The following EHMT1 variants were observed in gnomAD, a reference collection of about 807,000 sequenced individuals.
EHMT1 encodes histone-lysine N-methyltransferase EHMT1.
In EHMT1, 15 loss-of-function variants were observed where a neutral mutation model predicts 147.2. The ratio of observed to expected loss-of-function variants is 0.10; its 90% CI spans 0.07 to 0.16. The LOEUF (loss-of-function observed/expected upper bound fraction) is 0.16. EHMT1 is among the 10% of genes least tolerant of loss of function. The probability of loss-of-function intolerance (pLI) is 1.00; values close to 1 mark genes in which losing one functional copy is unlikely to be tolerated. For missense variants in EHMT1, 1,587 were observed against 1,772.4 expected, an observed-to-expected ratio of 0.90 and a Z score of 1.88; for synonymous variants, 795 against 709.6, an observed-to-expected ratio of 1.12 and a Z score of -1.91.
chr9:137,644,756 C>G (rs1042674417), intron 1 of EHMT1, among the ~76,000 whole-genome samples: 1 of 152,150 alleles, frequency 6.6e-6, no homozygotes, highest in African/African-American at 2.4e-5. Context: ...GTCATTGTTT[C>G]CAAAGCACCT....
At chr9:137,719,923 G>A (rs1216398792) in intron 3 of EHMT1, among the ~76,000 whole-genome samples, 1 of 54,792 alleles carries the variant, frequency 1.8e-5, no homozygotes, top group East Asian at 4.9e-4. Context: ...TCGAGGTGCC[G>A]AACCCCCTCC....
chr9:137,739,287 C>T (rs1225778391), intron 4 of EHMT1, among the ~76,000 whole-genome samples: 1 of 149,930 alleles, frequency 6.7e-6, no homozygotes, highest in African/African-American at 2.5e-5. Context: ...ACCCAGGAGG[C>T]GGAGCTTGCA....
intron 6 of EHMT1, chr9:137,747,552 G>C (rs1241862363): frequency 7.9e-5 from 12 of 152,174 alleles, no homozygotes; most frequent in African/African-American, 2.7e-4. Flanking sequence ...TTCATTACTA[G>C]AAATAGATTA....
intron 1 of EHMT1, among the ~76,000 whole-genome samples, chr9:137,704,878 C>T (rs1407835554): frequency 7.1e-6 from 1 of 140,536 alleles, no homozygotes; most frequent in Non-Finnish European, 1.5e-5. Context: ...CTCTCTTTCC[C>T]TCCCTCCCTC....
intron 10 of EHMT1, among the ~76,000 whole-genome samples, chr9:137,766,407 G>C (rs1383082602): frequency 1.3e-5 from 2 of 152,204 alleles, no homozygotes; most frequent in African/African-American, 4.8e-5. Context: ...TTGAGCTCAG[G>C]AGTTTGAGAC....
chr9:137,808,180 G>A (rs144797533), intron 18 of EHMT1, among the ~76,000 whole-genome samples: 5 of 152,274 alleles, frequency 3.3e-5, no homozygotes, highest in East Asian at 1.9e-4. Context: ...GAAAGGCCCC[G>A]GCTTTGAGTG....
At chr9:137,784,991 CAG>C (rs1951842677) in intron 15 of EHMT1, 3 of 149,548 alleles carry the variant, frequency 2.0e-5, no homozygotes, top group Non-Finnish European at 4.4e-5. Flanking sequence ...GGGGTGAGGT[CAG>C]GGAGTGGGGG....
Position 137,731,402 on chromosome 9 carries a change from C to G in EHMT1, c.823+2873C>G, listed in dbSNP as rs1255909787. 6.6e-6 allele frequency among the ~76,000 whole-genome samples: 1 copy of G among 152,196 alleles called. No individual in the cohort carries two copies. The highest frequency in any genetic ancestry group is 6.5e-5 in the Admixed American group (1 of 15,284). ...ACGTGTTAACTAGAGAGGAGCATGG[C>G]ATGCCCAGCTGCCTTGTCTTGTGAT... On this transcript the variant is annotated intron_variant, in intron 4 of 26. Transcript: ENST00000460843. The surrounding 1 kb of genome is among the most constrained non-coding windows in gnomAD (Gnocchi z 4.3).
At chr9:137,777,407 A>G in intron 12 of EHMT1, 1 of 192,398 alleles carries the variant, frequency 5.2e-6, no homozygotes, top group Non-Finnish European at 1.1e-5. Flanking sequence ...GAATAAAATA[A>G]CAAAAGAGAC....
chr9:137,693,153 G>A (rs1306609563), intron 1 of EHMT1, among the ~76,000 whole-genome samples: 16 of 152,116 alleles, frequency 1.1e-4, no homozygotes, highest in East Asian at 3.9e-4. Context: ...GCTGAGGGCC[G>A]GAGCCACAGC....
At chr9:137,820,581 T>G (rs1422955047) in intron 25 of EHMT1, among the ~76,000 whole-genome samples, 1 of 152,248 alleles carries the variant, frequency 6.6e-6, no homozygotes, top group African/African-American at 2.4e-5. Flanking sequence ...AACTTGAATA[T>G]TTCCCAGAAA....
intron 10 of EHMT1, chr9:137,763,208 C>A: frequency 2.4e-6 from 1 of 408,312 alleles, no homozygotes; most frequent in South Asian, 2.7e-5. Context: ...GGGCAGGCCC[C>A]GCAAGGGCCG....
chr9:137,739,689 G>A (rs554530778), intron 4 of EHMT1, among the ~76,000 whole-genome samples: 4 of 152,398 alleles, frequency 2.6e-5, no homozygotes, highest in Non-Finnish European at 4.4e-5. Context: ...GCAGGTTGCT[G>A]CAGAAGTTGC....
chr9:137,687,109 G>C (rs541366124), intron 1 of EHMT1, among the ~76,000 whole-genome samples: 16 of 152,124 alleles, frequency 1.1e-4, no homozygotes, highest in Non-Finnish European at 2.1e-4. Context: ...TTCATGGTCT[G>C]TTCTTGTCAA....
chr9:137,640,400 C>T (rs1307082889), intron 1 of EHMT1, among the ~76,000 whole-genome samples: 2 of 152,166 alleles, frequency 1.3e-5, no homozygotes, highest in African/African-American at 2.4e-5. Flanking sequence ...CCTTGGCTTC[C>T]TGATCAGCTG....
At position 137,824,587 on chromosome 9, in the gene EHMT1, C is replaced by T. The variant is rs550170423; in HGVS notation, c.3540+6449C>T. 3.3e-5 allele frequency among the ~76,000 whole-genome samples: 5 copies of T among 152,280 alleles called. No homozygotes were observed. The South Asian group carries it at 1.0e-3, about 32-fold the overall frequency. On this transcript the variant is annotated intron_variant, in intron 25 of 26. Coordinates refer to ENST00000460843, the MANE Select transcript of EHMT1 (RefSeq NM_024757.5). ...CTGAGACTGCACTAAATCTGCTGGC[C>T]ATTATCGCATTGAGCCTTCTGACCC...
At chr9:137,829,643 AT>A (rs1956058904) in intron 25 of EHMT1, among the ~76,000 whole-genome samples, 1 of 152,270 alleles carries the variant, frequency 6.6e-6, no homozygotes, top group South Asian at 2.1e-4. Context: ...TACTTGGCAC[AT>A]CCCAGAAGTT....
At chr9:137,620,236 T>A (rs990065479) in intron 1 of EHMT1, among the ~76,000 whole-genome samples, 12 of 152,072 alleles carry the variant, frequency 7.9e-5, no homozygotes, top group African/African-American at 2.7e-4. Flanking sequence ...AAAAGCGAAA[T>A]TAGAAAATTT....
chr9:137,669,337 G>C (rs55936481), intron 1 of EHMT1, among the ~76,000 whole-genome samples: 1,815 of 3,312 alleles, frequency 0.55, 639 homozygotes, highest in East Asian at 0.88. Flanking sequence ...ACAGCACGTG[G>C]ACCCCACACC....
Sources: gnomAD v4.1 joint callset for allele counts (sites outside exome capture counted in the v4.1 genomes callset) on GRCh38, gnomAD v4.1.1 for gene constraint, Gnocchi (gnomAD v3.1) non-coding constraint, MANE v1.5 for transcripts, NCBI Gene and HGNC (gene_info 2026-07-23, HGNC 2026-07-21) for gene names.